Variants in TFDP1 observed in about 807,000 individuals in gnomAD.
TFDP1 encodes the protein transcription factor Dp-1, also known as DRTF1-polypeptide 1.
TFDP1 carries 6 observed loss-of-function variants against 48.0 expected under a neutral mutation model. That is an observed-to-expected ratio of 0.13 (90% CI 0.07 to 0.25). The LOEUF is 0.25. Ranked by LOEUF, TFDP1 falls within the 10% of genes least tolerant of loss-of-function variation. The probability of loss-of-function intolerance (pLI) is 1.00; values close to 1 mark genes in which losing one functional copy is unlikely to be tolerated. For synonymous variants in TFDP1, 201 were observed against 211.6 expected (o/e 0.95, Z 0.44); for missense variants, 335 against 543.0 (o/e 0.62, Z 3.81).
chr13:113,618,445 C>CGG (rs988916167), intron 3 of TFDP1, among the ~76,000 whole-genome samples: 3 of 152,128 alleles, frequency 2.0e-5, no homozygotes, highest in Non-Finnish European at 4.4e-5. Flanking sequence ...TCCCTTGAAC[C>CGG]GGGAGGTGGA....
intron 2 of TFDP1, among the ~76,000 whole-genome samples, chr13:113,594,870 A>G (rs2048248664): frequency 6.6e-6 from 1 of 152,258 alleles, no homozygotes; most frequent in Non-Finnish European, 1.5e-5. Flanking sequence ...AAAATTTGGA[A>G]AAATTCTAGG....
In TFDP1 at chr13:113,633,025, C is replaced by T; in HGVS notation, c.309-95C>T. 1 of 1,493,430 alleles carries T rather than the reference C, an allele frequency of 6.7e-7. No individual in the cohort carries two copies. Among genetic ancestry groups the T allele is most frequent in the Non-Finnish European group, 9.1e-7 (1 of 1,098,386 alleles). The allele number at this position is 1,493,430 out of a possible 1,614,324, so 92.5% of individuals were successfully genotyped here. On this transcript the variant is annotated intron_variant, in intron 5 of 11. Transcript: ENST00000375370. This position sits in a 1 kb window ranked among gnomAD's most constrained non-coding sequence, Gnocchi z 4.5. ...CCGTGGGACGTGGCCCCTTTTTGTG[C>T]AGCTCATTAGAGCTCTCAGGTAAAA...
intron 3 of TFDP1, among the ~76,000 whole-genome samples, chr13:113,612,367 C>T (rs995824116): frequency 6.6e-6 from 1 of 152,212 alleles, no homozygotes; most frequent in African/African-American, 2.4e-5. Context: ...GTGGGACTGG[C>T]CCTGCTCTTC....
chr13:113,598,263 C>A lies in TFDP1; in HGVS notation c.12+12414C>A, dbSNP rs925731720. Among the ~76,000 whole-genome samples, 1 of 152,184 alleles carries A rather than the reference C, an allele frequency of 6.6e-6. No individual in the cohort carries two copies. The highest frequency in any genetic ancestry group is 2.4e-5 in the African/African-American group (1 of 41,438). On this transcript the variant is annotated intron_variant, in intron 2 of 11. Coordinates refer to ENST00000375370, the MANE Select transcript of TFDP1 (RefSeq NM_007111.5). The surrounding 1 kb of genome is among the most constrained non-coding windows in gnomAD (Gnocchi z 4.2). ...AGGCAGGATGCAAGCACCTTTTTAA[C>A]GGCTGTGGAACTGATGTATGGGTTT...
intron 2 of TFDP1, among the ~76,000 whole-genome samples, chr13:113,586,517 A>G (rs1303008873): frequency 6.6e-6 from 1 of 152,238 alleles, no homozygotes; most frequent in Non-Finnish European, 1.5e-5. Context: ...TATGTCAGTC[A>G]CTGAAACACC....
chr13:113,633,285 A>G lies in TFDP1; in HGVS notation c.474A>G (p.Ser158=). The change falls in exon 6 of 12, where the codon TCA becomes TCG. Residue 158 remains serine (S), a splice_region_variant and synonymous_variant. Transcript: ENST00000375370. The surrounding 1 kb of genome is among the most constrained non-coding windows in gnomAD (Gnocchi z 4.5). ...ACAACCACATCTTACCAAACGAGTC[A>G]GTAAGTGTGTGCCGGGGGCCGAGAG... ...AADNHILPNE[S]AYDQKNIRRR... 1 of 1,612,030 alleles carries G rather than the reference A, an allele frequency of 6.2e-7. No individual in the cohort carries two copies. Among genetic ancestry groups the G allele is most frequent in the South Asian group, 1.1e-5 (1 of 91,030 alleles).
At chr13:113,596,208 A>G (rs1020613418) in intron 2 of TFDP1, among the ~76,000 whole-genome samples, 1 of 152,244 alleles carries the variant, frequency 6.6e-6, no homozygotes, top group Admixed American at 6.5e-5. Flanking sequence ...CTATTGATAG[A>G]ACCCAAATTA....
chr13:113,631,311 G>A (rs981441853), intron 4 of TFDP1, among the ~76,000 whole-genome samples: 6 of 152,236 alleles, frequency 3.9e-5, no homozygotes, highest in Non-Finnish European at 2.9e-5. Context: ...CTTGTGTGCG[G>A]TTTGGGGGTC....
chr13:113,621,996 C>T (rs2049006239), intron 3 of TFDP1, among the ~76,000 whole-genome samples: 1 of 152,226 alleles, frequency 6.6e-6, no homozygotes, highest in Admixed American at 6.5e-5. Context: ...TACTAAAAGT[C>T]TCTGATATGC....
intron 3 of TFDP1, among the ~76,000 whole-genome samples, chr13:113,615,118 A>G (rs1216190858): frequency 6.6e-6 from 1 of 152,198 alleles, no homozygotes; most frequent in Non-Finnish European, 1.5e-5. Context: ...AGGCTCCCCA[A>G]GGATGGGAGT....
chr13:113,622,051 C>G (rs2049007969), intron 3 of TFDP1, among the ~76,000 whole-genome samples: 2 of 152,246 alleles, frequency 1.3e-5, no homozygotes, highest in Admixed American at 6.5e-5. Context: ...TCCTCTCTCT[C>G]TCTGCCTCGG....
intron 4 of TFDP1, among the ~76,000 whole-genome samples, chr13:113,625,342 C>T (rs2049119586): frequency 8.3e-6 from 1 of 120,366 alleles, no homozygotes; most frequent in African/African-American, 3.5e-5. Context: ...TCTCACGTGT[C>T]CTCAGGCGTC....
At chr13:113,585,647 C>T (rs994488275) in intron 1 of TFDP1, 127 bp from the exon 2 acceptor site, 47 of 559,496 alleles carry the variant, frequency 8.4e-5, no homozygotes, top group African/African-American at 6.7e-4. Flanking sequence ...CAGCTCCGCT[C>T]TCAGGATGGA....
At chr13:113,609,807 C>T (rs2048662424) in intron 2 of TFDP1, among the ~76,000 whole-genome samples, 1 of 152,170 alleles carries the variant, frequency 6.6e-6, no homozygotes, top group African/African-American at 2.4e-5. Context: ...TGCCCCCCAG[C>T]CCCACTGCCT....
intron 4 of TFDP1, among the ~76,000 whole-genome samples, chr13:113,626,457 G>A (rs1470133707): frequency 6.6e-6 from 1 of 152,156 alleles, no homozygotes; most frequent in Non-Finnish European, 1.5e-5. Context: ...CAGCCTTGAG[G>A]ATCTGAGCAG....
At chr13:113,585,290 G>A (rs2047971869) in intron 1 of TFDP1, 1 of 151,038 alleles carries the variant, frequency 6.6e-6, no homozygotes, top group South Asian at 2.0e-4. Flanking sequence ...GGCGGCCCGA[G>A]GCCTAGTGAC....
In TFDP1 at chr13:113,587,725, A is replaced by G. The variant is rs557628419; in HGVS notation, c.12+1876A>G. 5.9e-5 allele frequency among the ~76,000 whole-genome samples: 9 copies of G among 152,058 alleles called. No homozygotes were observed. The East Asian group carries it at 1.8e-3, about 30-fold the overall frequency. On this transcript the variant is annotated intron_variant, in intron 2 of 11. Transcript: ENST00000375370. ...TGGGCTCGAGCTCCTGACCTCAACA[A>G]TCCACCCGCCTTACAGGCGTGAGCC...
intron 5 of TFDP1, among the ~76,000 whole-genome samples, chr13:113,632,131 A>C (rs2049352854): frequency 6.6e-6 from 1 of 152,156 alleles, no homozygotes. Context: ...TTCAGCCTCT[A>C]CTGCCCCTGG....
At chr13:113,614,227 CGT>C (rs546011484) in intron 3 of TFDP1, among the ~76,000 whole-genome samples, 58 of 150,234 alleles carry the variant, frequency 3.9e-4, no homozygotes, top group African/African-American at 1.1e-3. Context: ...GATGTGTGTG[CGT>C]GTGTGAGTTG....
Sources: allele counts gnomAD v4.1 joint callset (sites outside exome capture counted in the v4.1 genomes callset), GRCh38; gene constraint gnomAD v4.1.1; non-coding constraint Gnocchi (gnomAD v3.1); transcripts MANE v1.5; gene names NCBI Gene and HGNC (gene_info 2026-07-23, HGNC 2026-07-21).